The following GREB1 variants were observed in gnomAD, a reference collection of about 807,000 sequenced individuals.
GREB1 encodes the protein protein GREB1.
In GREB1, 106 loss-of-function variants were observed where a neutral mutation model predicts 200.7. That is an observed-to-expected ratio of 0.53 (90% CI 0.45 to 0.62). The LOEUF is 0.62. GREB1 is among the 20% of genes least tolerant of loss of function. GREB1 has a pLI of 0.00. For missense variants in GREB1, 2,243 were observed against 2,556.8 expected (o/e 0.88, Z 2.65); for synonymous variants, 1,132 against 1,092.4 (o/e 1.04, Z -0.72).
At chr2:11,507,931 A>G (rs942817781) in intron 1 of GREB1, among the ~76,000 whole-genome samples, 1 of 152,228 alleles carries the variant, frequency 6.6e-6, no homozygotes, top group Admixed American at 6.5e-5. Flanking sequence ...AATTCTCTCC[A>G]TTAACTCATC....
chr2:11,553,356 T>C (rs1676117357), intron 1 of GREB1, among the ~76,000 whole-genome samples: 1 of 151,874 alleles, frequency 6.6e-6, no homozygotes, highest in Non-Finnish European at 1.5e-5. Context: ...AAAATTAGCT[T>C]GGCATGGTGG....
At chr2:11,623,060 T>A (rs371860641) in intron 23 of GREB1, among the ~76,000 whole-genome samples, 2 of 152,358 alleles carry the variant, frequency 1.3e-5, no homozygotes, top group African/African-American at 2.4e-5. Flanking sequence ...TTTGTGCGCA[T>A]TTAAAATTTA....
rs11551693 is a variant in GREB1 at position 11,642,010 on chromosome 2, A to G, written c.*1556A>G. Reference sequence around the variant, plus strand: ...TTCTGGCTTCTGGACTCTGCAGTCCAGGTCTCCCTTCTCCCACTTGCCTAC... The same window carrying G: ...TTCTGGCTTCTGGACTCTGCAGTCCGGGTCTCCCTTCTCCCACTTGCCTAC... On this transcript the variant is annotated 3_prime_UTR_variant, in exon 33 of 33. Transcript: ENST00000381486. The G allele has an allele frequency of 6.6e-6, 1 of 152,234 alleles. No individual in the cohort carries two copies. The allele number at this position is 152,234 out of a possible 1,614,324, so 9.4% of individuals were successfully genotyped here. A position where few individuals can be genotyped will look rare whatever the true frequency, so the allele number is the denominator to read the frequency against.
chr2:11,572,394 A>T (rs1678402309), intron 4 of GREB1, among the ~76,000 whole-genome samples: 1 of 152,240 alleles, frequency 6.6e-6, no homozygotes, highest in Admixed American at 6.5e-5. Flanking sequence ...GAGTGGCCCC[A>T]GCAGTAAACC....
At chr2:11,577,388 T>A (rs758076713) in intron 5 of GREB1, among the ~76,000 whole-genome samples, 1 of 152,150 alleles carries the variant, frequency 6.6e-6, no homozygotes, top group Non-Finnish European at 1.5e-5. Context: ...GCTTGAACAA[T>A]GCCCCACCCA....
intron 31 of GREB1, among the ~76,000 whole-genome samples, chr2:11,638,128 TTTTGTTTGTTTG>T (rs376136406): frequency 1.1e-4 from 16 of 152,124 alleles, no homozygotes; most frequent in African/African-American, 3.6e-4. Flanking sequence ...ATGCCCAAAC[TTTTGTTTGTTTG>T]TTTGTTTGTT....
chr2:11,622,892 C>T (rs1273425745), intron 23 of GREB1, among the ~76,000 whole-genome samples: 1 of 152,230 alleles, frequency 6.6e-6, no homozygotes, highest in East Asian at 1.9e-4. Context: ...CAGCAAACAG[C>T]ACAAGGCTGT....
rs373905584 is a variant in GREB1, at chr2:11,566,945, G to T, written c.454+289G>T. 3.4e-4 allele frequency among the ~76,000 whole-genome samples: 52 copies of T among 152,240 alleles called. 1 individual carries two copies. The South Asian group carries it at 0.01, about 30-fold the overall frequency. On this transcript the variant is annotated intron_variant, in intron 4 of 32. Transcript: ENST00000381486. ...AAGTGCCTGCTTGTGTCAAGAATGG[G>T]TGACAAACCCTGTCCTAGGCAGTCT...
In GREB1 at chr2:11,580,696, G is replaced by A. The variant is rs1362424106; in HGVS notation, c.773-8G>A. ...TGACCCTCCTCTTTGCCTTCTATCT[G>A]TTTTCAGGACCAGCTTCTGATCACC... On this transcript the variant is annotated splice_region_variant and splice_polypyrimidine_tract_variant and intron_variant, in intron 6 of 32. Transcript: ENST00000381486. This position sits in a 1 kb window ranked among gnomAD's most constrained non-coding sequence, Gnocchi z 4.5. 2 of 1,605,948 alleles carry A rather than the reference G, an allele frequency of 1.2e-6. No homozygotes were observed. The highest frequency in any genetic ancestry group is 1.7e-5 in the Admixed American group (1 of 59,732).
chr2:11,593,905 C>T (rs560289526), intron 11 of GREB1, among the ~76,000 whole-genome samples: 3 of 152,322 alleles, frequency 2.0e-5, no homozygotes, highest in Non-Finnish European at 4.4e-5. Context: ...AGACACCAAA[C>T]ACGTGAGCTT....
rs566334349 is a variant in GREB1 at position 11,523,543 on chromosome 2, C to T, written c.-158-32914C>T. 1.7e-4 allele frequency among the ~76,000 whole-genome samples: 26 copies of T among 152,208 alleles called. No individual in the cohort carries two copies. In the South Asian group the frequency reaches 4.6e-3, roughly 27 times the overall value. ...TCTGTAACGTGTGTCTTTCCTTGGACGCAGTAAATGGGCATCCTGTCCTCG... is the reference window on the plus strand; with the variant it reads ...TCTGTAACGTGTGTCTTTCCTTGGATGCAGTAAATGGGCATCCTGTCCTCG... On this transcript the variant is annotated intron_variant, in intron 1 of 2. Coordinates refer to the GREB1 transcript ENST00000628795.
chr2:11,575,856 C>T (rs1678794739), intron 4 of GREB1, among the ~76,000 whole-genome samples: 1 of 152,202 alleles, frequency 6.6e-6, no homozygotes, highest in African/African-American at 2.4e-5. Context: ...AATGGGATGG[C>T]TCTTGTCTTG....
intron 1 of GREB1, among the ~76,000 whole-genome samples, chr2:11,538,617 CTT>C (rs1674414222): frequency 1.8e-4 from 1 of 5,636 alleles, no homozygotes; most frequent in African/African-American, 4.1e-4. Flanking sequence ...GTGTTTCTTT[CTT>C]TCTTTCTTTC....
intron 27 of GREB1, 98 bp from the exon 28 acceptor site, chr2:11,632,791 C>T (rs1366466837): frequency 1.2e-5 from 12 of 1,015,584 alleles, no homozygotes; most frequent in Non-Finnish European, 1.6e-5. Flanking sequence ...TCGGGGCTGG[C>T]TTGTCTGGGC....
At chr2:11,576,233 G>T (rs1361209721) in intron 4 of GREB1, 120 bp from the exon 5 acceptor site, 3 of 751,610 alleles carry the variant, frequency 4.0e-6, no homozygotes, top group African/African-American at 1.8e-5. Context: ...CTTGAACCTG[G>T]GAGATAGAGG....
chr2:11,585,196 C>A lies in GREB1; in HGVS notation c.937C>A (p.His313Asn), dbSNP rs746966745. The part of the protein sequence containing the change: ...LSNSGPPKKR[H>N]KGWSPESPSA... ...AAACTCCGGGCCCCCCAAAAAACGC[C>A]ACAAAGGGTGGTCTCCAGAATCTCC... Residue 313 changes from histidine (H) to asparagine (N), a missense_variant, in exon 8 of 33, where the codon CAC (histidine) becomes AAC (asparagine). By Grantham distance (68) the His-to-Asn change is moderately conservative. Around this residue, in one of 3 missense-constraint regions of GREB1, gnomAD observed 1,178 missense variants for 1,387.4 expected, o/e 0.85. Transcript: ENST00000381486. 3 of 1,583,094 alleles carry A rather than the reference C, an allele frequency of 1.9e-6. No individual in the cohort carries two copies. In the African/African-American group the frequency reaches 4.1e-5, roughly 22 times the overall value.
intron 1 of GREB1, among the ~76,000 whole-genome samples, chr2:11,549,387 G>GA (rs369169703): frequency 2.6e-5 from 4 of 151,486 alleles, no homozygotes; most frequent in South Asian, 2.1e-4. Context: ...ACTTTAAGAC[G>GA]AAAAAAAAGA....
chr2:11,628,243 A>G (rs1292498678), intron 25 of GREB1, among the ~76,000 whole-genome samples: 3 of 152,168 alleles, frequency 2.0e-5, no homozygotes, highest in Non-Finnish European at 4.4e-5. Context: ...CAGAGGATTT[A>G]TTTTACATTG....
chr2:11,555,639 G>A (rs553862210), intron 1 of GREB1, among the ~76,000 whole-genome samples: 1 of 152,124 alleles, frequency 6.6e-6, no homozygotes, highest in African/African-American at 2.4e-5. Flanking sequence ...AAAAGACCTC[G>A]TACTGAATGA....
Sources: gnomAD v4.1 joint callset for allele counts (sites outside exome capture counted in the v4.1 genomes callset) on GRCh38, gnomAD v4.1.1 for gene constraint, gnomAD v4.1.1 regional missense constraint, Gnocchi (gnomAD v3.1) non-coding constraint, MANE v1.5 for transcripts, NCBI Gene and HGNC (gene_info 2026-07-23, HGNC 2026-07-21) for gene names.